Variants in YEATS2 observed in about 807,000 individuals in gnomAD.
The protein encoded by YEATS2 is YEATS domain-containing protein 2.
Under a neutral mutation model 163.2 loss-of-function variants are expected in YEATS2, and 77 were observed. That is an observed-to-expected ratio of 0.47 (90% CI 0.39 to 0.57). The LOEUF is 0.57. Ranked by LOEUF, YEATS2 falls within the 20% of genes least tolerant of loss-of-function variation. The pLI is 0.00. For synonymous variants in YEATS2, 631 were observed against 645.1 expected, an observed-to-expected ratio of 0.98 and a Z score of 0.33; for missense variants, 1,549 against 1,729.8, an observed-to-expected ratio of 0.90 and a Z score of 1.85.
intron 15 of YEATS2, among the ~76,000 whole-genome samples, chr3:183,766,227 T>C (rs1482978415): frequency 6.6e-6 from 1 of 152,220 alleles, no homozygotes; most frequent in Non-Finnish European, 1.5e-5. Flanking sequence ...GTGCAGGTTC[T>C]GAGCCCTGGT....
In YEATS2 at chr3:183,741,000, G is replaced by A. The variant is rs187266442; in HGVS notation, c.924+4171G>A. On this transcript the variant is annotated intron_variant, in intron 8 of 30. Coordinates refer to ENST00000305135, the MANE Select transcript of YEATS2 (RefSeq NM_018023.5). ...GTGACCCACGCTGAAGTATAGTGGC[G>A]TGATCTCGGCTCACTGCAACCTTTG... Among the ~76,000 whole-genome samples, 411 of 152,170 alleles carry A rather than the reference G, an allele frequency of 2.7e-3. 2 individuals carry two copies. Among genetic ancestry groups the A allele is most frequent in the African/African-American group, 9.5e-3 (393 of 41,500 alleles).
chr3:183,804,769 T>C (rs263040), intron 27 of YEATS2, among the ~76,000 whole-genome samples: 70,194 of 151,590 alleles, frequency 0.46, 16,569 homozygotes, highest in East Asian at 0.65. Flanking sequence ...GGGTGGATCA[T>C]GAGGTCAGGA....
intron 22 of YEATS2, 78 bp from the exon 23 acceptor site, chr3:183,798,813 T>A: frequency 8.9e-7 from 1 of 1,117,948 alleles, no homozygotes. Context: ...AATGTGGGGT[T>A]GTCACCTGGA....
chr3:183,768,482 T>C (rs781576358), intron 15 of YEATS2, among the ~76,000 whole-genome samples: 10 of 152,162 alleles, frequency 6.6e-5, no homozygotes, highest in East Asian at 1.9e-4. Context: ...ATAATAGATA[T>C]TGGGGTTCAA....
At chr3:183,806,393 C>G (rs1263871434) in intron 27 of YEATS2, 1 of 456,638 alleles carries the variant, frequency 2.2e-6, no homozygotes, top group South Asian at 1.5e-5. Context: ...GGTCCTCACA[C>G]TCCTGATTAG....
At chr3:183,722,177 G>T in intron 5 of YEATS2, 41 bp downstream of exon 5, 4 of 1,565,762 alleles carry the variant, frequency 2.6e-6, no homozygotes, top group Non-Finnish European at 3.5e-6. Context: ...CACAGGAGAA[G>T]GGAACTATAT....
intron 15 of YEATS2, among the ~76,000 whole-genome samples, chr3:183,764,018 A>G (rs1721642534): frequency 6.6e-6 from 1 of 152,104 alleles, no homozygotes; most frequent in Admixed American, 6.6e-5. Flanking sequence ...CAGTGAGCCA[A>G]GACTGTGCCA....
At chr3:183,757,525 C>T (rs1165694314) in intron 12 of YEATS2, among the ~76,000 whole-genome samples, 1 of 152,038 alleles carries the variant, frequency 6.6e-6, no homozygotes, top group Non-Finnish European at 1.5e-5. Context: ...TCCAATCCAC[C>T]TGCCTCAGCC....
At chr3:183,767,265 G>T (rs995274361) in intron 15 of YEATS2, among the ~76,000 whole-genome samples, 1 of 152,138 alleles carries the variant, frequency 6.6e-6, no homozygotes, top group African/African-American at 2.4e-5. Flanking sequence ...TAGCTCCGTT[G>T]CCCAGGCTGG....
At chr3:183,763,430 T>G (rs1721583011) in intron 15 of YEATS2, among the ~76,000 whole-genome samples, 1 of 152,262 alleles carries the variant, frequency 6.6e-6, no homozygotes, top group South Asian at 2.1e-4. Flanking sequence ...TGTCATTGAC[T>G]AAAACATCGT....
At chr3:183,759,884 C>G (rs1443586435) in intron 13 of YEATS2, among the ~76,000 whole-genome samples, 2 of 152,212 alleles carry the variant, frequency 1.3e-5, no homozygotes, top group African/African-American at 4.8e-5. Context: ...ATCAGTGTTT[C>G]CTTTTCCATG....
chr3:183,715,788 G>C (rs563002093), intron 2 of YEATS2, among the ~76,000 whole-genome samples: 2 of 152,020 alleles, frequency 1.3e-5, no homozygotes, highest in Non-Finnish European at 2.9e-5. Flanking sequence ...AGGAAACATC[G>C]ATCTAGTTCA....
At chr3:183,783,785 G>T (rs1723800579) in intron 19 of YEATS2, among the ~76,000 whole-genome samples, 1 of 152,180 alleles carries the variant, frequency 6.6e-6, no homozygotes. Context: ...CTGCTGAAGG[G>T]TACCTAGGTT....
intron 21 of YEATS2, among the ~76,000 whole-genome samples, chr3:183,796,148 A>ATTTTTTTTTTTT (rs1176974770): frequency 3.9e-4 from 37 of 96,032 alleles, no homozygotes; most frequent in African/African-American, 6.4e-4. Context: ...ATGCCCGGCT[A>ATTTTTTTTTTTT]TTTTTTTTTT....
Position 183,772,348 on chromosome 3 carries a change from A to G in YEATS2, c.1991A>G (p.Lys664Arg). The part of the protein sequence containing the change: ...PVGSALPSTV[K>R]QAVAISGGQI... ...GGGTCTGCTTTACCTTCAACAGTGA[A>G]GCAGGCTGTGGCGATCAGTGGTGGC... The change falls in exon 16 of 31, where the codon AAG becomes AGG. Residue 664 changes from lysine (K) to arginine (R), a missense_variant. Physicochemically the swap from Lys to Arg is conservative, Grantham distance 26. Transcript: ENST00000305135. The G allele has an allele frequency of 6.2e-7, 1 of 1,614,188 alleles. No individual in the cohort carries two copies. Among genetic ancestry groups the G allele is most frequent in the Admixed American group, 1.7e-5 (1 of 60,018 alleles).
At chr3:183,780,561 G>T (rs949625129) in intron 19 of YEATS2, among the ~76,000 whole-genome samples, 10 of 152,094 alleles carry the variant, frequency 6.6e-5, no homozygotes, top group African/African-American at 2.4e-4. Flanking sequence ...TGCCTTTTCT[G>T]GTTTTTTTGG....
intron 7 of YEATS2, among the ~76,000 whole-genome samples, chr3:183,730,147 C>T (rs1717623921): frequency 2.2e-5 from 3 of 139,076 alleles, no homozygotes; most frequent in Admixed American, 7.5e-5. Context: ...TCACTGCAAC[C>T]TCCACCCCCC....
At chr3:183,784,330 C>A (rs1723850794) in intron 19 of YEATS2, among the ~76,000 whole-genome samples, 1 of 152,186 alleles carries the variant, frequency 6.6e-6, no homozygotes, top group Non-Finnish European at 1.5e-5. Flanking sequence ...ATTTGCATTT[C>A]TCTGGTGATT....
At chr3:183,786,367 T>C (rs1724068690) in intron 20 of YEATS2, 66 bp downstream of exon 20, 1 of 1,490,956 alleles carries the variant, frequency 6.7e-7, no homozygotes, top group South Asian at 1.3e-5. Flanking sequence ...ACAAGGAAGG[T>C]GTCCAGCAGG....
Sources: gnomAD v4.1 joint callset for allele counts (sites outside exome capture counted in the v4.1 genomes callset) on GRCh38, gnomAD v4.1.1 for gene constraint, MANE v1.5 for transcripts, NCBI Gene and HGNC (gene_info 2026-07-23, HGNC 2026-07-21) for gene names.